The following CMSS1 variants were observed in gnomAD, a reference collection of about 807,000 sequenced individuals.
CMSS1 encodes cms1 ribosomal small subunit homolog.
In CMSS1, 33 loss-of-function variants were observed where a neutral mutation model predicts 43.5. The ratio of observed to expected loss-of-function variants is 0.76; its 90% CI spans 0.57 to 1.01. CMSS1 has a LOEUF of 1.01. CMSS1 is among the 50% of genes least tolerant of loss of function. The probability of loss-of-function intolerance (pLI) is 0.00; values close to 1 mark genes in which losing one functional copy is unlikely to be tolerated. For missense variants in CMSS1, 313 were observed against 326.4 expected, an observed-to-expected ratio of 0.96 and a Z score of 0.32; for synonymous variants, 115 against 117.2, an observed-to-expected ratio of 0.98 and a Z score of 0.12.
intron 1 of CMSS1, among the ~76,000 whole-genome samples, chr3:99,823,462 GATTT>G (rs899946049): frequency 6.6e-6 from 1 of 152,150 alleles, no homozygotes; most frequent in Non-Finnish European, 1.5e-5. Context: ...GCAGTATTCT[GATTT>G]ATTTATTTTT....
At chr3:99,925,505 T>G (rs187593553) in intron 1 of CMSS1, among the ~76,000 whole-genome samples, 75 of 152,342 alleles carry the variant, frequency 4.9e-4, no homozygotes, top group Admixed American at 1.9e-3. Context: ...ACTGAGATTT[T>G]TTTTGTTTTG....
At chr3:99,852,827 T>C (rs896056297) in intron 1 of CMSS1, among the ~76,000 whole-genome samples, 1 of 152,230 alleles carries the variant, frequency 6.6e-6, no homozygotes, top group African/African-American at 2.4e-5. Flanking sequence ...TCTGCTCTTT[T>C]CTGTAATTTT....
At chr3:100,108,961 G>T (rs1050108145) in intron 1 of CMSS1, among the ~76,000 whole-genome samples, 3 of 151,944 alleles carry the variant, frequency 2.0e-5, no homozygotes, top group Non-Finnish European at 2.9e-5. Flanking sequence ...TGGAAGGCAG[G>T]TACTTAGAGT....
Position 100,172,345 on chromosome 3 carries a change from G to A in CMSS1, c.609G>A (p.Lys203=). Residue 203 remains lysine, a synonymous_variant, in exon 8 of 10, where the codon AAG becomes AAA. Transcript: ENST00000421999. ...AGGCGCAGGTAAAGTTGCTGGAGAA[G>A]CGTGTGGTGCACCTGGGTGTAGGAA... ...KVQAQVKLLE[K]RVVHLGVGTP... 5 of 1,613,900 alleles carry A rather than the reference G, an allele frequency of 3.1e-6. No individual in the cohort carries two copies. The highest frequency in any genetic ancestry group is 2.7e-5 in the African/African-American group (2 of 75,020).
intron 1 of CMSS1, among the ~76,000 whole-genome samples, chr3:100,059,808 G>A (rs1309937395): frequency 6.6e-6 from 1 of 152,130 alleles, no homozygotes; most frequent in Non-Finnish European, 1.5e-5. Context: ...CTGTGTGTAT[G>A]TATCATCTCC....
At chr3:99,829,652 G>C (rs755751471) in intron 1 of CMSS1, among the ~76,000 whole-genome samples, 1 of 152,136 alleles carries the variant, frequency 6.6e-6, no homozygotes, top group South Asian at 2.1e-4. Flanking sequence ...ACTGATTTTC[G>C]ATAGTGTTTA....
chr3:99,907,526 C>T (rs1164306915), intron 1 of CMSS1, among the ~76,000 whole-genome samples: 2 of 152,196 alleles, frequency 1.3e-5, no homozygotes, highest in Non-Finnish European at 2.9e-5. Flanking sequence ...GGATTACAGA[C>T]GTGAGCCAAC....
intron 1 of CMSS1, among the ~76,000 whole-genome samples, chr3:99,871,255 C>T (rs941113572): frequency 6.6e-6 from 1 of 152,132 alleles, no homozygotes; most frequent in African/African-American, 2.4e-5. Context: ...GTTTTCAGCT[C>T]CTAAACAAAA....
chr3:100,019,521 TTAAAG>T (rs1216534587), intron 1 of CMSS1, among the ~76,000 whole-genome samples: 1 of 152,246 alleles, frequency 6.6e-6, no homozygotes, highest in African/African-American at 2.4e-5. Flanking sequence ...AAAAAGATTT[TTAAAG>T]TAATTTTTTA....
intron 1 of CMSS1, chr3:99,830,364 T>A: frequency 2.7e-6 from 1 of 367,036 alleles, no homozygotes; most frequent in Admixed American, 3.3e-5. Flanking sequence ...AATTTTAGCT[T>A]TCCACATATT....
intron 1 of CMSS1, among the ~76,000 whole-genome samples, chr3:99,876,873 A>T (rs879902348): frequency 2.6e-5 from 4 of 152,162 alleles, no homozygotes; most frequent in Non-Finnish European, 5.9e-5. Context: ...CAGGGAAAAA[A>T]TTTTTAAAGA....
intron 1 of CMSS1, among the ~76,000 whole-genome samples, chr3:99,916,435 T>TACACACACAC (rs1491315247): frequency 5.0e-5 from 6 of 120,092 alleles, no homozygotes; most frequent in African/African-American, 2.1e-4. Context: ...AATAACGGTT[T>TACACACACAC]ATACACACAC....
At chr3:99,970,108 C>T (rs1211195040) in intron 1 of CMSS1, among the ~76,000 whole-genome samples, 2 of 152,184 alleles carry the variant, frequency 1.3e-5, no homozygotes, top group East Asian at 3.8e-4. Flanking sequence ...ATAGTAATTT[C>T]ATATGGTTCA....
chr3:99,897,345 G>A (rs1320040598), intron 1 of CMSS1, among the ~76,000 whole-genome samples: 1 of 151,930 alleles, frequency 6.6e-6, no homozygotes, highest in South Asian at 2.1e-4. Context: ...CTCCAGCCTG[G>A]GGGACAAGAG....
chr3:99,840,031 T>C (rs903525314), intron 1 of CMSS1, among the ~76,000 whole-genome samples: 9 of 152,012 alleles, frequency 5.9e-5, no homozygotes, highest in Admixed American at 2.6e-4. Flanking sequence ...ATTGTCACAG[T>C]TGGGGGATGC....
chr3:100,101,062 C>T (rs2066296609), intron 1 of CMSS1, among the ~76,000 whole-genome samples: 1 of 152,112 alleles, frequency 6.6e-6, no homozygotes, highest in African/African-American at 2.4e-5. Flanking sequence ...ACCTTGACCA[C>T]TTTTGTACCT....
intron 1 of CMSS1, among the ~76,000 whole-genome samples, chr3:100,011,089 G>T (rs1710142513): frequency 6.6e-6 from 1 of 152,228 alleles, no homozygotes; most frequent in East Asian, 1.9e-4. Flanking sequence ...GATAATAGAA[G>T]ATTGAAGCTT....
chr3:100,153,883 C>CAG (rs1172327147), intron 2 of CMSS1, among the ~76,000 whole-genome samples: 2 of 148,296 alleles, frequency 1.3e-5, no homozygotes, highest in Non-Finnish European at 3.0e-5. Context: ...TGGAGTCTTG[C>CAG]TCTGTCGCCC....
At chr3:99,926,020 A>C (rs1707282562) in intron 1 of CMSS1, 1 of 223,268 alleles carries the variant, frequency 4.5e-6, no homozygotes, top group African/African-American at 2.3e-5. Flanking sequence ...TCTAGATTAG[A>C]TACAGATGCA....
Sources: gnomAD v4.1 joint callset for allele counts (sites outside exome capture counted in the v4.1 genomes callset) on GRCh38, gnomAD v4.1.1 for gene constraint, MANE v1.5 for transcripts, NCBI Gene and HGNC (gene_info 2026-07-23, HGNC 2026-07-21) for gene names.